SPATA13: variants seen among roughly 807,000 people sequenced by gnomAD.
SPATA13 encodes spermatogenesis-associated protein 13.
A neutral mutation model predicts 104.0 loss-of-function variants in SPATA13; 50 were observed. The observed-to-expected ratio is 0.48, with a 90% CI of 0.38 to 0.61. The LOEUF (loss-of-function observed/expected upper bound fraction) is 0.61. Among genes scored for constraint, SPATA13 ranks in the 20% least tolerant of loss-of-function variants. The probability of loss-of-function intolerance (pLI) is 0.00; values close to 1 mark genes in which losing one functional copy is unlikely to be tolerated. For synonymous variants in SPATA13, 606 were observed against 667.5 expected, an observed-to-expected ratio of 0.91 and a Z score of 1.42; for missense variants, 1,524 against 1,690.6, an observed-to-expected ratio of 0.90 and a Z score of 1.73.
intron 2 of SPATA13, among the ~76,000 whole-genome samples, chr13:24,228,572 CAA>C (rs993456715): frequency 6.6e-6 from 1 of 152,006 alleles, no homozygotes; most frequent in Non-Finnish European, 1.5e-5. Flanking sequence ...CTTTGGGAAA[CAA>C]AATACAAACT....
intron 2 of SPATA13, among the ~76,000 whole-genome samples, chr13:24,014,115 G>T (rs1876601949): frequency 6.6e-6 from 1 of 152,190 alleles, no homozygotes; most frequent in Non-Finnish European, 1.5e-5. Context: ...AGGCCACAGG[G>T]TCAGCAGGGC....
intron 4 of SPATA13, chr13:24,272,788 G>T (rs1874710269): frequency 1.3e-5 from 2 of 152,298 alleles, no homozygotes; most frequent in African/African-American, 4.8e-5. Flanking sequence ...TTGAGCCACG[G>T]TTTCCTCCTT....
intron 2 of SPATA13, among the ~76,000 whole-genome samples, chr13:24,012,289 C>G (rs1302262598): frequency 6.6e-6 from 1 of 152,210 alleles, no homozygotes; most frequent in African/African-American, 2.4e-5. Context: ...GACCAAAATA[C>G]TTTTAGCCTC....
intron 4 of SPATA13, among the ~76,000 whole-genome samples, chr13:24,263,105 G>A (rs891191966): frequency 1.2e-4 from 19 of 152,328 alleles, no homozygotes; most frequent in South Asian, 1.2e-3. Flanking sequence ...GCCGTAGCAG[G>A]TGTTGAGGTG....
At position 24,297,311 on chromosome 13, in the gene SPATA13, C is replaced by T. The variant is rs140220583; in HGVS notation, c.3211-52C>T. On this transcript the variant is annotated intron_variant, in intron 10 of 12. Coordinates refer to ENST00000382108, the MANE Select transcript of SPATA13 (RefSeq NM_001166271.3). ...ACCTTGGCTTCTTAAGTAGCTAGGA[C>T]TACAGCTGTGGTAGAATTGGAAGGT... is the stretch of plus-strand genomic sequence containing the variant. 277 of 1,553,532 alleles carry T rather than the reference C, an allele frequency of 1.8e-4. No homozygotes were observed. In the African/African-American group the frequency reaches 3.4e-3, roughly 19 times the overall value.
chr13:24,190,281 T>A lies in SPATA13; in HGVS notation c.-112+29349T>A, dbSNP rs61946656. ...TATACATAATATATATTATTATATA[T>A]AATATATAATATTATATATTATTAT... On this transcript the variant is annotated intron_variant, in intron 1 of 12. Coordinates refer to ENST00000382108, the MANE Select transcript of SPATA13 (RefSeq NM_001166271.3). 1.9e-3 allele frequency among the ~76,000 whole-genome samples: 20 copies of A among 10,622 alleles called. 1 individual carries two copies. Among genetic ancestry groups the A allele is most frequent in the African/African-American group, 2.1e-3 (20 of 9,372 alleles). The allele number at this position is 10,622 out of a possible 152,430, so 7.0% of individuals were successfully genotyped here.
intron 1 of SPATA13, among the ~76,000 whole-genome samples, chr13:24,193,922 G>A (rs1566143874): frequency 6.6e-6 from 1 of 152,180 alleles, no homozygotes; most frequent in Admixed American, 6.5e-5. Context: ...TTAACACATT[G>A]TGATGAGTTT....
At chr13:24,288,406 G>A (rs1451174050) in intron 7 of SPATA13, among the ~76,000 whole-genome samples, 1 of 152,210 alleles carries the variant, frequency 6.6e-6, no homozygotes, top group Non-Finnish European at 1.5e-5. Flanking sequence ...TGAGTTAGCT[G>A]TTACATGTAT....
chr13:24,294,941 T>C, intron 10 of SPATA13, 73 bp downstream of exon 10: 1 of 1,471,782 alleles, frequency 6.8e-7, no homozygotes, highest in Non-Finnish European at 9.3e-7. Context: ...GCAGATGCAC[T>C]TTAATATCCT....
At position 24,305,401 on chromosome 13, in the gene SPATA13, T is replaced by C. The variant is rs1877513844; in HGVS notation, c.*2628T>C. 1 of 152,230 alleles carries C rather than the reference T, an allele frequency of 6.6e-6. No individual in the cohort carries two copies. Among genetic ancestry groups the C allele is most frequent in the South Asian group, 2.1e-4 (1 of 4,824 alleles). 9.4% of individuals were successfully genotyped at this position (152,230 alleles called of 1,614,324 possible). On this transcript the variant is annotated 3_prime_UTR_variant, in exon 13 of 13. Transcript: ENST00000382108. ...ATCCTACTTGGATGTTCAGGTGATT[T>C]TGAAAACTGCTAACATTTTTAAAAG...
chr13:24,270,671 T>C, intron 4 of SPATA13: 1 of 1,373,082 alleles, frequency 7.3e-7, no homozygotes, highest in Non-Finnish European at 9.7e-7. Flanking sequence ...TCACACGGAG[T>C]GTGGAGCCAG....
intron 3 of SPATA13, among the ~76,000 whole-genome samples, chr13:24,106,809 T>G (rs1880469421): frequency 6.6e-6 from 1 of 152,140 alleles, no homozygotes; most frequent in Non-Finnish European, 1.5e-5. Context: ...GGTAGTCCTG[T>G]AGAGAAAGAG....
intron 1 of SPATA13, among the ~76,000 whole-genome samples, chr13:24,202,919 C>T (rs1870502175): frequency 6.6e-6 from 1 of 152,040 alleles, no homozygotes; most frequent in Non-Finnish European, 1.5e-5. Flanking sequence ...ACAGGAAAAC[C>T]CTAACTTAGG....
At chr13:24,034,880 A>G (rs927674274) in intron 3 of SPATA13, 1 of 152,278 alleles carries the variant, frequency 6.6e-6, no homozygotes, top group Non-Finnish European at 1.5e-5. Context: ...CCACTCTGCC[A>G]TCATCTATGG....
Position 24,118,912 on chromosome 13 carries a change from T to TTTTCTTTTCTTTTCTTTTC in SPATA13, c.-112+101214_-112+101215insCTTTTCTTTTCTTTTCTTT, listed in dbSNP as rs55865084. On this transcript the variant is annotated intron_variant, in intron 3 of 14. Transcript: ENST00000424834. ...GACGCTACATTTTTCTTTTCTTTTC[T>TTTTCTTTTCTTTTCTTTTC]TTTTTTTTTTTGAGATGGAGTCTTG... Among the ~76,000 whole-genome samples, 47 of 122,908 alleles carry TTTTCTTTTCTTTTCTTTTC rather than the reference T, an allele frequency of 3.8e-4. No individual in the cohort carries two copies. The South Asian group carries it at 7.9e-3, about 21-fold the overall frequency. The allele number at this position is 122,908 out of a possible 152,430, so 80.6% of individuals were successfully genotyped here. A position where few individuals can be genotyped will look rare whatever the true frequency, so the allele number is the denominator to read the frequency against.
At chr13:24,080,600 C>A (rs150720868) in intron 3 of SPATA13, among the ~76,000 whole-genome samples, 7 of 152,310 alleles carry the variant, frequency 4.6e-5, no homozygotes, top group Non-Finnish European at 1.0e-4. Flanking sequence ...GGCCGCACAC[C>A]ACCTAAGAAG....
intron 3 of SPATA13, among the ~76,000 whole-genome samples, chr13:24,050,872 C>A (rs1878315480): frequency 6.6e-6 from 1 of 152,184 alleles, no homozygotes; most frequent in African/African-American, 2.4e-5. Flanking sequence ...GGGCAAGCAT[C>A]CTAAACTGGT....
intron 3 of SPATA13, among the ~76,000 whole-genome samples, chr13:24,043,701 C>T (rs1878019236): frequency 6.6e-6 from 1 of 152,094 alleles, no homozygotes. Flanking sequence ...CAGCCTTATG[C>T]CAAAGGGAAA....
At chr13:24,287,382 C>T (rs550598412) in intron 7 of SPATA13, among the ~76,000 whole-genome samples, 5 of 152,286 alleles carry the variant, frequency 3.3e-5, no homozygotes, top group South Asian at 4.1e-4. Flanking sequence ...AGGCTGGTCA[C>T]GAACTCATGG....
Sources: gnomAD v4.1 joint callset for allele counts (sites outside exome capture counted in the v4.1 genomes callset) on GRCh38, gnomAD v4.1.1 for gene constraint, MANE v1.5 for transcripts, NCBI Gene and HGNC (gene_info 2026-07-23, HGNC 2026-07-21) for gene names.